The following HEPHL1 variants were observed in gnomAD, a reference collection of about 807,000 sequenced individuals.
HEPHL1 encodes hephaestin like 1.
A neutral mutation model predicts 122.0 loss-of-function variants in HEPHL1; 123 were observed. The ratio of observed to expected loss-of-function variants is 1.01; its 90% CI spans 0.87 to 1.17. The LOEUF is 1.17. HEPHL1 is among the 50% of genes most tolerant of loss of function. The pLI is 0.00. For missense variants in HEPHL1, 1,452 were observed against 1,430.5 expected (o/e 1.01, Z -0.24); for synonymous variants, 527 against 508.9 (o/e 1.04, Z -0.48).
At position 94,045,666 on chromosome 11, in the gene HEPHL1, C is replaced by G. The variant is rs745603580; in HGVS notation, c.171-7C>G. ...TCAATTAAAAATGTTTTTCTTCTTA[C>G]TTTTAGACTTGCAACCTTATTTCTC... On this transcript the variant is annotated splice_polypyrimidine_tract_variant and splice_region_variant and intron_variant, in intron 1 of 19. Coordinates refer to ENST00000315765, the MANE Select transcript of HEPHL1 (RefSeq NM_001098672.2). 2.2e-5 allele frequency: 35 copies of G among 1,586,918 alleles called. No individual in the cohort carries two copies. Among genetic ancestry groups the G allele is most frequent in the Non-Finnish European group, 3.0e-5 (35 of 1,166,138 alleles).
intron 13 of HEPHL1, among the ~76,000 whole-genome samples, chr11:94,099,272 G>C (rs991372627): frequency 7.2e-5 from 11 of 152,178 alleles, no homozygotes; most frequent in Non-Finnish European, 1.6e-4. Context: ...GTTTGCTGGA[G>C]GTCCACTCTG....
intron 1 of HEPHL1, among the ~76,000 whole-genome samples, chr11:94,027,947 C>T (rs1289849904): frequency 1.3e-5 from 2 of 152,172 alleles, no homozygotes; most frequent in Admixed American, 1.3e-4. Flanking sequence ...TTCCTTTTTC[C>T]AAGTGACATT....
At chr11:94,070,128 T>C (rs1946062025) in intron 5 of HEPHL1, among the ~76,000 whole-genome samples, 1 of 152,164 alleles carries the variant, frequency 6.6e-6, no homozygotes, top group South Asian at 2.1e-4. Flanking sequence ...TCCTTGCTCA[T>C]TTTCTATTGG....
chr11:94,022,354 G>T (rs954716595), intron 1 of HEPHL1, among the ~76,000 whole-genome samples: 1 of 152,138 alleles, frequency 6.6e-6, no homozygotes, highest in African/African-American at 2.4e-5. Context: ...AGATGTTTTG[G>T]CAACCTCTGT....
chr11:94,088,938 A>C lies in HEPHL1; in HGVS notation c.2264A>C (p.Glu755Ala). ...DYAPNKNWEF[E>A]KQHVDARGER... ...GCCCCTAACAAAAACTGGGAGTTCG[A>C]AAAGCAGCACGTGGACGCAAGAGGG... Residue 755 changes from glutamate (E) to alanine (A), a missense_variant, in exon 12 of 20, where the codon GAA (glutamate) becomes GCA (alanine). Transcript: ENST00000315765. The C allele has an allele frequency of 6.2e-7, 1 of 1,614,024 alleles. No homozygotes were observed. Among genetic ancestry groups the C allele is most frequent in the Non-Finnish European group, 8.5e-7 (1 of 1,179,886 alleles).
In HEPHL1 at chr11:94,088,898, G is replaced by A. The variant is rs1168958020; in HGVS notation, c.2224G>A (p.Val742Ile). 1 of 1,614,024 alleles carries A rather than the reference G, an allele frequency of 6.2e-7. No individual in the cohort carries two copies. The highest frequency in any genetic ancestry group is 1.1e-5 in the South Asian group (1 of 91,078). Residue 742 changes from valine (V) to isoleucine (I), a missense_variant, in exon 12 of 20, where the codon GTA (valine) becomes ATA (isoleucine). Val to Ile is a conservative substitution (Grantham distance 29). Transcript: ENST00000315765. Reference sequence around the variant, plus strand: ...AACTTTTTACATCGCCGCTGAAGAAGTAGAATGGGATTATGCCCCTAACAA... The same window carrying A: ...AACTTTTTACATCGCCGCTGAAGAAATAGAATGGGATTATGCCCCTAACAA... ...IRTFYIAAEEVEWDYAPNKNW... is the reference protein window; with the variant it reads ...IRTFYIAAEEIEWDYAPNKNW...
chr11:94,106,043 T>C lies in HEPHL1; in HGVS notation c.2958T>C (p.Asp986=). The C allele has an allele frequency of 3.1e-6, 5 of 1,601,884 alleles. No individual in the cohort carries two copies. The South Asian group carries it at 3.4e-5, about 11-fold the overall frequency. ...TCCATGGCCTCATAATGAACGAAGA[T>C]ACAATGACAAACTGGTATTTGTTAG... ...GNLHGLIMNE[D]TMTNWYLLGI... The change falls in exon 17 of 20, where the codon GAT becomes GAC. Residue 986 remains aspartate (D), a synonymous_variant. Transcript: ENST00000315765.
intron 2 of HEPHL1, among the ~76,000 whole-genome samples, chr11:94,050,873 G>T (rs1254957499): frequency 6.6e-6 from 1 of 151,948 alleles, no homozygotes; most frequent in Admixed American, 6.6e-5. Flanking sequence ...GAGTTCAATT[G>T]TTTTAATTTT....
intron 2 of HEPHL1, among the ~76,000 whole-genome samples, chr11:94,046,696 G>A (rs1377513860): frequency 6.6e-6 from 1 of 151,796 alleles, no homozygotes; most frequent in Non-Finnish European, 1.5e-5. Flanking sequence ...CTTCTTGTGT[G>A]TATGTTAGGA....
At position 94,032,708 on chromosome 11, in the gene HEPHL1, C is replaced by T. The variant is rs544500343; in HGVS notation, c.170+11170C>T. On this transcript the variant is annotated intron_variant, in intron 1 of 19. Coordinates refer to ENST00000315765, the MANE Select transcript of HEPHL1 (RefSeq NM_001098672.2). ...ATGGTCAGGCGGTTGTTAACTGTCT[C>T]TCTAAAGTAATAATTGGTCACAGTC... Among the ~76,000 whole-genome samples, 109 of 152,232 alleles carry T rather than the reference C, an allele frequency of 7.2e-4. 1 individual carries two copies. Among genetic ancestry groups the T allele is most frequent in the African/African-American group, 2.5e-3 (105 of 41,538 alleles).
intron 2 of HEPHL1, among the ~76,000 whole-genome samples, chr11:94,051,609 T>G (rs921392702): frequency 6.6e-6 from 1 of 152,130 alleles, no homozygotes; most frequent in African/African-American, 2.4e-5. Flanking sequence ...CTTTGTTGAT[T>G]GTTTCCTTTG....
At chr11:94,105,197 G>A (rs1401542778) in intron 16 of HEPHL1, among the ~76,000 whole-genome samples, 1 of 152,156 alleles carries the variant, frequency 6.6e-6, no homozygotes, top group Non-Finnish European at 1.5e-5. Flanking sequence ...GTTGGTGGGA[G>A]TAATGTGTTC....
At chr11:94,093,717 T>C in intron 13 of HEPHL1, 77 bp downstream of exon 13, 2 of 1,491,114 alleles carry the variant, frequency 1.3e-6, no homozygotes, top group Admixed American at 2.2e-5. Context: ...TCTGTTACAC[T>C]TGTGGCTAAG....
At chr11:94,076,690 G>A (rs145783007) in intron 9 of HEPHL1, among the ~76,000 whole-genome samples, 4 of 152,188 alleles carry the variant, frequency 2.6e-5, no homozygotes, top group East Asian at 3.9e-4. Context: ...GGAAAGGTAT[G>A]TTCAATTCAA....
At chr11:94,077,114 AG>A (rs1241200099) in intron 9 of HEPHL1, among the ~76,000 whole-genome samples, 2 of 152,150 alleles carry the variant, frequency 1.3e-5, no homozygotes, top group African/African-American at 4.8e-5. Context: ...GAACTGTTTG[AG>A]AGTAGGTTGT....
Position 94,045,662 on chromosome 11 carries a change from C to T in HEPHL1, c.171-11C>T, listed in dbSNP as rs189753078. The T allele has an allele frequency of 6.3e-3, 9,993 of 1,575,196 alleles. 38 individuals carry two copies. Among genetic ancestry groups the T allele is most frequent in the Non-Finnish European group, 7.0e-3 (8,141 of 1,160,128 alleles). ...CATTTCAATTAAAAATGTTTTTCTTCTTACTTTTAGACTTGCAACCTTATT... is the reference window on the plus strand; with the variant it reads ...CATTTCAATTAAAAATGTTTTTCTTTTTACTTTTAGACTTGCAACCTTATT... On this transcript the variant is annotated splice_polypyrimidine_tract_variant and intron_variant, in intron 1 of 19. Transcript: ENST00000315765.
intron 1 of HEPHL1, among the ~76,000 whole-genome samples, chr11:94,042,882 A>AAAAAAAACAAACAAAC (rs1555058754): frequency 7.3e-5 from 10 of 136,838 alleles, no homozygotes; most frequent in African/African-American, 2.2e-4. Context: ...TAATAAAAAA[A>AAAAAAAACAAACAAAC]AAAAAAAAAA....
chr11:94,084,686 G>T (rs986262316), intron 10 of HEPHL1, among the ~76,000 whole-genome samples: 2 of 152,118 alleles, frequency 1.3e-5, no homozygotes, highest in Non-Finnish European at 2.9e-5. Context: ...AGCCAGCCAA[G>T]GACTGAATTT....
chr11:94,091,282 G>T (rs1946262422), intron 12 of HEPHL1, among the ~76,000 whole-genome samples: 1 of 152,160 alleles, frequency 6.6e-6, no homozygotes, highest in African/African-American at 2.4e-5. Flanking sequence ...CTGAACATGG[G>T]CCTGACATGT....
Sources: gnomAD v4.1 joint callset for allele counts (sites outside exome capture counted in the v4.1 genomes callset) on GRCh38, gnomAD v4.1.1 for gene constraint, MANE v1.5 for transcripts, NCBI Gene and HGNC (gene_info 2026-07-23, HGNC 2026-07-21) for gene names.